The following PCDH15 variants were observed in gnomAD, a reference collection of about 807,000 sequenced individuals.
PCDH15 encodes protocadherin-15.
PCDH15 carries 129 observed loss-of-function variants against 178.5 expected under a neutral mutation model. The ratio of observed to expected loss-of-function variants is 0.72; its 90% CI spans 0.63 to 0.84. The LOEUF is 0.84. Among genes scored for constraint, PCDH15 ranks in the 40% least tolerant of loss-of-function variants. The pLI is 0.00. For missense variants in PCDH15, 2,230 were observed against 2,099.9 expected (o/e 1.06, Z -1.21); for synonymous variants, 800 against 732.0 (o/e 1.09, Z -1.50).
chr10:54,617,184 T>C (rs912958027), intron 2 of PCDH15, among the ~76,000 whole-genome samples: 49 of 151,976 alleles, frequency 3.2e-4, no homozygotes, highest in African/African-American at 1.1e-3. Context: ...CATGAGCCAC[T>C]GCACCTGGCC....
intron 2 of PCDH15, among the ~76,000 whole-genome samples, chr10:55,401,977 A>G (rs1838082206): frequency 6.6e-6 from 1 of 152,048 alleles, no homozygotes; most frequent in Non-Finnish European, 1.5e-5. Flanking sequence ...TCCACTGTCC[A>G]CTGAACATGT....
intron 3 of PCDH15, among the ~76,000 whole-genome samples, chr10:54,477,902 CT>C (rs1289171539): frequency 6.6e-6 from 1 of 152,092 alleles, no homozygotes; most frequent in African/African-American, 2.4e-5. Context: ...AATAATTTTT[CT>C]TTTTAAAATG....
intron 3 of PCDH15, among the ~76,000 whole-genome samples, chr10:54,383,381 CA>C (rs746073207): frequency 4.0e-5 from 6 of 151,796 alleles, no homozygotes; most frequent in Admixed American, 3.3e-4. Context: ...AGATAATAAG[CA>C]AAAAAAGTCA....
chr10:54,570,039 GGTGTGTGTGTGTGTGTGTCT>G (rs1472352430), intron 2 of PCDH15, among the ~76,000 whole-genome samples: 3 of 150,710 alleles, frequency 2.0e-5, no homozygotes, highest in East Asian at 2.0e-4. Flanking sequence ...TACAATTAGG[GGTGTGTGTGTGTGTGTGTCT>G]GTGTGTGTGT....
intron 6 of PCDH15, among the ~76,000 whole-genome samples, chr10:54,342,122 A>AATTTGC (rs1942345814): frequency 6.6e-6 from 1 of 152,200 alleles, no homozygotes; most frequent in Non-Finnish European, 1.5e-5. Flanking sequence ...TGGGTGCAGA[A>AATTTGC]ATTTGCATAA....
chr10:53,965,174 C>A lies in PCDH15; in HGVS notation c.2869-3282G>T, dbSNP rs535337136. On this transcript the variant is annotated intron_variant, in intron 21 of 37. Coordinates refer to ENST00000644397, the MANE Select transcript of PCDH15 (RefSeq NM_001384140.1). ...TCAGGTTCAAGTGATTCTCCTGCCTCAGCCTCTCAGGCAGCTGGGACTACA... is the reference window on the plus strand; with the variant it reads ...TCAGGTTCAAGTGATTCTCCTGCCTAAGCCTCTCAGGCAGCTGGGACTACA... Among the ~76,000 whole-genome samples, 8 of 152,020 alleles carry A rather than the reference C, an allele frequency of 5.3e-5. No homozygotes were observed. In the East Asian group the frequency reaches 1.6e-3, roughly 30 times the overall value.
At chr10:54,333,384 T>C (rs1018553603) in intron 6 of PCDH15, among the ~76,000 whole-genome samples, 1 of 152,152 alleles carries the variant, frequency 6.6e-6, no homozygotes, top group African/African-American at 2.4e-5. Context: ...AATTATTGAG[T>C]ATTCATTCTG....
chr10:55,224,935 A>G (rs1179666038), intron 1 of PCDH15, among the ~76,000 whole-genome samples: 2 of 152,064 alleles, frequency 1.3e-5, no homozygotes, highest in Non-Finnish European at 2.9e-5. Context: ...GCAGAAAGTC[A>G]TTCCCAGTGA....
chr10:53,891,845 T>C (rs1433035357), intron 26 of PCDH15, among the ~76,000 whole-genome samples: 2 of 151,524 alleles, frequency 1.3e-5, no homozygotes, highest in African/African-American at 4.9e-5. Flanking sequence ...GGCTTTCACC[T>C]GTAATCCCAG....
intron 8 of PCDH15, among the ~76,000 whole-genome samples, chr10:54,242,167 T>TATATATACAC (rs1564769734): frequency 2.9e-5 from 3 of 102,706 alleles, no homozygotes; most frequent in African/African-American, 1.2e-4. Context: ...TATATATATA[T>TATATATACAC]ATATATATAT....
rs557729136 is a variant in PCDH15 at position 54,242,617 on chromosome 10, T to A, written c.877-5686A>T. Among the ~76,000 whole-genome samples the A allele has an allele frequency of 2.0e-5, 3 of 152,118 alleles. No homozygotes were observed. The East Asian group carries it at 5.8e-4, about 30-fold the overall frequency. ...ACACAAGTTGATGGGTCAGTAAACT[T>A]AAAAAAATGACATTTCGCAGACTGA... On this transcript the variant is annotated intron_variant, in intron 8 of 37. Coordinates refer to ENST00000644397, the MANE Select transcript of PCDH15 (RefSeq NM_001384140.1).
chr10:55,313,112 G>T (rs1189584614), intron 1 of PCDH15, among the ~76,000 whole-genome samples: 1 of 152,042 alleles, frequency 6.6e-6, no homozygotes, highest in Admixed American at 6.6e-5. Flanking sequence ...ATTTTAGAAA[G>T]AAGCCATAGT....
At chr10:54,022,832 A>C (rs1271116861) in intron 19 of PCDH15, 60 bp downstream of exon 19, 11 of 1,576,956 alleles carry the variant, frequency 7.0e-6, no homozygotes, top group Non-Finnish European at 9.6e-6. Context: ...TTGGCACACA[A>C]ACCCTAATAG....
intron 2 of PCDH15, among the ~76,000 whole-genome samples, chr10:54,966,286 ATTTAT>A (rs1046015916): frequency 1.7e-4 from 26 of 152,004 alleles, no homozygotes; most frequent in African/African-American, 6.3e-4. Context: ...GTTTTTGTTT[ATTTAT>A]TTTATTTTAT....
intron 32 of PCDH15, chr10:53,825,098 T>G: frequency 2.0e-6 from 3 of 1,521,258 alleles, no homozygotes; most frequent in Non-Finnish European, 2.6e-6. Flanking sequence ...TATCTATTTT[T>G]CTAACGCTCT....
chr10:54,712,727 G>C (rs2095438986), intron 1 of PCDH15, among the ~76,000 whole-genome samples: 1 of 152,006 alleles, frequency 6.6e-6, no homozygotes, highest in Admixed American at 6.6e-5. Flanking sequence ...CACCCCCTAA[G>C]ATGATGAGAA....
chr10:53,875,931 T>C (rs1057225744), intron 26 of PCDH15, among the ~76,000 whole-genome samples: 5 of 152,170 alleles, frequency 3.3e-5, no homozygotes, highest in African/African-American at 1.2e-4. Context: ...AGTGATGTCC[T>C]AAGAACTTTC....
chr10:54,197,779 C>A (rs1412925111), intron 10 of PCDH15, among the ~76,000 whole-genome samples: 1 of 152,016 alleles, frequency 6.6e-6, no homozygotes, highest in Non-Finnish European at 1.5e-5. Flanking sequence ...AGAAATATTA[C>A]AATATATTTT....
intron 2 of PCDH15, among the ~76,000 whole-genome samples, chr10:55,359,747 T>TACACACAC (rs57691062): frequency 7.3e-5 from 6 of 81,666 alleles, no homozygotes; most frequent in African/African-American, 1.8e-4. Flanking sequence ...TATATATATA[T>TACACACAC]ACACACACAC....
Sources: gnomAD v4.1 joint callset for allele counts (sites outside exome capture counted in the v4.1 genomes callset) on GRCh38, gnomAD v4.1.1 for gene constraint, MANE v1.5 for transcripts, NCBI Gene and HGNC (gene_info 2026-07-23, HGNC 2026-07-21) for gene names.